Variants in SKA2 observed in about 807,000 individuals in gnomAD.
The protein encoded by SKA2 is spindle and kinetochore associated complex subunit 2.
In SKA2, 13 loss-of-function variants were observed where a neutral mutation model predicts 16.9. The ratio of observed to expected loss-of-function variants is 0.77; its 90% confidence interval spans 0.50 to 1.22. SKA2 has a LOEUF of 1.22. Among genes scored for constraint, SKA2 ranks in the 50% most tolerant of loss-of-function variants. The probability of loss-of-function intolerance (pLI) is 0.00; values close to 1 mark genes in which losing one functional copy is unlikely to be tolerated. For missense variants in SKA2, 107 were observed against 139.7 expected, an observed-to-expected ratio of 0.77 and a Z score of 1.18; for synonymous variants, 47 against 48.5, an observed-to-expected ratio of 0.97 and a Z score of 0.13.
chr17:59,152,612 A>G, intron 1 of SKA2, among the ~76,000 whole-genome samples: 1 of 152,252 alleles, frequency 6.6e-6, no homozygotes, highest in East Asian at 1.9e-4. Flanking sequence ...TACCTTGACA[A>G]ATCCTTTATT....
chr17:59,115,056 T>C (rs1441529707), intron 3 of SKA2, among the ~76,000 whole-genome samples: 3 of 133,274 alleles, frequency 2.3e-5, no homozygotes, highest in African/African-American at 5.9e-5. Flanking sequence ...TCTTTCTTCC[T>C]TTTTTTTTTT....
At position 59,112,250 on chromosome 17, in the gene SKA2, T is replaced by G. The variant is rs763883335; in HGVS notation, c.*27A>C. 1 of 1,583,662 alleles carries G rather than the reference T, an allele frequency of 6.3e-7. No individual in the cohort carries two copies. The highest frequency in any genetic ancestry group is 8.6e-7 in the Non-Finnish European group (1 of 1,158,864). On this transcript the variant is annotated 3_prime_UTR_variant, in exon 4 of 4. Transcript: ENST00000330137. Reference sequence around the variant, plus strand: ...TCTCCGGAATTAAGCTCTTCTCTGTTAGAATTTCCTTTCCAAGTCCATTTC... The same window carrying G: ...TCTCCGGAATTAAGCTCTTCTCTGTGAGAATTTCCTTTCCAAGTCCATTTC...
chr17:59,149,002 T>C lies in SKA2; in HGVS notation c.33+6129A>G, dbSNP rs192127921. Among the ~76,000 whole-genome samples, 1,086 of 152,218 alleles carry C rather than the reference T, an allele frequency of 7.1e-3. 9 individuals are homozygous for C. Among genetic ancestry groups the C allele is most frequent in the African/African-American group, 0.024 (1,017 of 41,530 alleles). On this transcript the variant is annotated intron_variant, in intron 1 of 3. Coordinates refer to ENST00000330137, the MANE Select transcript of SKA2 (RefSeq NM_182620.4). ...AGGGTTAAAATTAAAACTGATATTTTTGCATCAACCTAATACCAAGTGTTG... is the reference window on the plus strand; with the variant it reads ...AGGGTTAAAATTAAAACTGATATTTCTGCATCAACCTAATACCAAGTGTTG...
At chr17:59,125,789 T>C (rs2046368359) in intron 2 of SKA2, among the ~76,000 whole-genome samples, 1 of 151,930 alleles carries the variant, frequency 6.6e-6, no homozygotes, top group African/African-American at 2.4e-5. Flanking sequence ...AAAAGCTCAG[T>C]TCAATTAAGT....
chr17:59,141,305 G>C (rs2046487228), intron 1 of SKA2, among the ~76,000 whole-genome samples: 1 of 152,146 alleles, frequency 6.6e-6, no homozygotes, highest in Non-Finnish European at 1.5e-5. Context: ...GCTGAGGCAG[G>C]AGAATTGCTT....
At chr17:59,140,449 G>A (rs1459944859) in intron 1 of SKA2, among the ~76,000 whole-genome samples, 1 of 151,570 alleles carries the variant, frequency 6.6e-6, no homozygotes, top group Non-Finnish European at 1.5e-5. Flanking sequence ...GGCTGGTCTC[G>A]AACTCCTGAC....
chr17:59,137,666 AGCC>A, intron 1 of SKA2: 2 of 423,882 alleles, frequency 4.7e-6, no homozygotes, highest in Non-Finnish European at 9.2e-6. Flanking sequence ...TTTACATTTA[AGCC>A]TCAGATTTTA....
At chr17:59,139,093 A>G (rs2046467649) in intron 1 of SKA2, among the ~76,000 whole-genome samples, 3 of 152,102 alleles carry the variant, frequency 2.0e-5, no homozygotes, top group Non-Finnish European at 4.4e-5. Context: ...GACTTACTAA[A>G]CAGGCTTAGA....
chr17:59,143,948 G>A (rs749492164), intron 1 of SKA2, among the ~76,000 whole-genome samples: 1 of 152,058 alleles, frequency 6.6e-6, no homozygotes, highest in Non-Finnish European at 1.5e-5. Flanking sequence ...ATGATGTCAA[G>A]AGATTGAGAC....
Position 59,126,521 on chromosome 17 carries a change from A to G in SKA2, c.120+4760T>C, listed in dbSNP as rs79231154. ...CCCTGCCGCCAGACAGAGGTATTAG[A>G]GGCTACTGCAACTAGTTGTTTACTT... is the stretch of plus-strand genomic sequence containing the variant. On this transcript the variant is annotated intron_variant, in intron 2 of 3. Coordinates refer to ENST00000330137, the MANE Select transcript of SKA2 (RefSeq NM_182620.4). 1.1e-4 allele frequency among the ~76,000 whole-genome samples: 16 copies of G among 152,340 alleles called. No individual in the cohort carries two copies. The East Asian group carries it at 3.1e-3, about 29-fold the overall frequency.
intron 3 of SKA2, 113 bp downstream of exon 3, chr17:59,119,206 A>G: frequency 8.7e-7 from 1 of 1,155,498 alleles, no homozygotes; most frequent in Non-Finnish European, 1.2e-6. Flanking sequence ...AAATCTTTCA[A>G]TAGTTCAAAC....
chr17:59,140,207 G>C (rs1236797367), intron 1 of SKA2, among the ~76,000 whole-genome samples: 1 of 151,898 alleles, frequency 6.6e-6, no homozygotes, highest in Non-Finnish European at 1.5e-5. Flanking sequence ...AAGGGCTTCA[G>C]GTTCATCAGT....
chr17:59,149,499 C>G (rs906054109), intron 1 of SKA2, among the ~76,000 whole-genome samples: 1 of 150,988 alleles, frequency 6.6e-6, no homozygotes, highest in Non-Finnish European at 1.5e-5. Context: ...GTATGAGACC[C>G]TGTCTCTAAA....
chr17:59,130,334 G>A (rs749204971), intron 2 of SKA2, among the ~76,000 whole-genome samples: 13 of 151,326 alleles, frequency 8.6e-5, no homozygotes, highest in African/African-American at 2.2e-4. Context: ...AATATTGGTC[G>A]CACGTGGTGG....
At chr17:59,136,209 G>A (rs952942738) in intron 1 of SKA2, among the ~76,000 whole-genome samples, 1 of 152,144 alleles carries the variant, frequency 6.6e-6, no homozygotes, top group Non-Finnish European at 1.5e-5. Flanking sequence ...CACCCAGGCT[G>A]GAGTGCAGTG....
At chr17:59,134,192 A>C (rs966743780) in intron 1 of SKA2, among the ~76,000 whole-genome samples, 2 of 152,176 alleles carry the variant, frequency 1.3e-5, no homozygotes, top group Non-Finnish European at 2.9e-5. Flanking sequence ...AAACATGTGG[A>C]TGGAGAGAAT....
intron 3 of SKA2, among the ~76,000 whole-genome samples, chr17:59,115,965 A>G (rs191768664): frequency 1.2e-4 from 18 of 152,136 alleles, no homozygotes; most frequent in South Asian, 2.1e-4. Flanking sequence ...TTAATTTTCT[A>G]TTTATTATTA....
intron 2 of SKA2, among the ~76,000 whole-genome samples, chr17:59,130,886 A>G (rs1342453676): frequency 1.3e-5 from 2 of 152,202 alleles, no homozygotes; most frequent in Non-Finnish European, 1.5e-5. Flanking sequence ...TTCATAAAAT[A>G]TAAGTAAAAA....
At chr17:59,140,650 GC>G (rs2046481035) in intron 1 of SKA2, among the ~76,000 whole-genome samples, 1 of 151,244 alleles carries the variant, frequency 6.6e-6, no homozygotes, top group South Asian at 2.1e-4. Context: ...TTGCTCAGTT[GC>G]CCAGGCTGGT....
Sources: gnomAD v4.1 joint callset for allele counts (sites outside exome capture counted in the v4.1 genomes callset) on GRCh38, gnomAD v4.1.1 for gene constraint, MANE v1.5 for transcripts, NCBI Gene and HGNC (gene_info 2026-07-23, HGNC 2026-07-21) for gene names.